The following NACC2 variants were observed in gnomAD, a reference collection of about 807,000 sequenced individuals.
NACC2 encodes the protein nucleus accumbens-associated protein 2.
Under a neutral mutation model 25.1 loss-of-function variants are expected in NACC2, and 8 were observed. The observed-to-expected ratio is 0.32, with a 90% CI of 0.19 to 0.57. NACC2 has a LOEUF of 0.57. Ranked by LOEUF, NACC2 falls within the 20% of genes least tolerant of loss-of-function variation. The pLI, the probability that NACC2 is intolerant of heterozygous loss-of-function variation, is 0.89. For synonymous variants in NACC2, 435 were observed against 294.7 expected (o/e 1.48, Z -4.88); for missense variants, 644 against 650.2 (o/e 0.99, Z 0.10).
chr9:136,008,041 C>T lies in NACC2; in HGVS notation c.*3475G>A, dbSNP rs1190468014. 6.6e-6 allele frequency: 1 copy of T among 152,278 alleles called. No individual in the cohort carries two copies. Among genetic ancestry groups the T allele is most frequent in the Non-Finnish European group, 1.5e-5 (1 of 68,086 alleles). The allele number at this position is 152,278 out of a possible 1,614,324, so 9.4% of individuals were successfully genotyped here. ...GCTCCTATGTTCTAGGAGCCCCGAC[C>T]CGCAGTCACCAACGCCGGCACCCCC... On this transcript the variant is annotated 3_prime_UTR_variant, in exon 6 of 6. Transcript: ENST00000277554.
chr9:136,023,955 C>A (rs958838066), intron 2 of NACC2, among the ~76,000 whole-genome samples: 1 of 151,570 alleles, frequency 6.6e-6, no homozygotes, highest in Non-Finnish European at 1.5e-5. Flanking sequence ...AAATGCACAA[C>A]CCCCCCCACA....
Position 136,086,102 on chromosome 9 carries a change from C to A in NACC2, c.-60+9087G>T, listed in dbSNP as rs1366780688. The stretch of plus-strand genomic sequence containing the variant: ...GCAGGAGCCGCCTCCAGGCCCTTCA[C>A]CTCGGGCTGGAGAAAACCAAGTCAC... On this transcript the variant is annotated intron_variant, in intron 1 of 5. Transcript: ENST00000277554. This position sits in a 1 kb window ranked among gnomAD's most constrained non-coding sequence, Gnocchi z 5.6. 6.6e-6 allele frequency among the ~76,000 whole-genome samples: 1 copy of A among 152,236 alleles called. No individual in the cohort carries two copies. The highest frequency in any genetic ancestry group is 2.4e-5 in the African/African-American group (1 of 41,466).
chr9:136,076,448 A>G (rs530969763), intron 1 of NACC2, among the ~76,000 whole-genome samples: 2 of 152,322 alleles, frequency 1.3e-5, no homozygotes, highest in African/African-American at 4.8e-5. Flanking sequence ...AGGCACACAC[A>G]GACAACGCCA....
chr9:136,040,664 T>C (rs1364791191), intron 2 of NACC2, among the ~76,000 whole-genome samples: 1 of 152,182 alleles, frequency 6.6e-6, no homozygotes, highest in Non-Finnish European at 1.5e-5. Context: ...GGAATTTGAC[T>C]TCACAAGAAA....
rs1315157487 is a variant in NACC2, at chr9:136,018,389, T to C, written c.887-1960A>G. On this transcript the variant is annotated intron_variant, in intron 2 of 5. Coordinates refer to ENST00000277554, the MANE Select transcript of NACC2 (RefSeq NM_144653.5). This position sits in a 1 kb window ranked among gnomAD's most constrained non-coding sequence, Gnocchi z 4.4. Reference sequence around the variant, plus strand: ...GGCAGGCCACCCAGCCCTGGGGGGCTGAAACCTTGGTTTCTGAGGACCCCA... The same window carrying C: ...GGCAGGCCACCCAGCCCTGGGGGGCCGAAACCTTGGTTTCTGAGGACCCCA... Among the ~76,000 whole-genome samples, 1 of 152,052 alleles carries C rather than the reference T, an allele frequency of 6.6e-6. No individual in the cohort carries two copies. The highest frequency in any genetic ancestry group is 1.5e-5 in the Non-Finnish European group (1 of 67,974).
chr9:136,043,598 T>C (rs1450658164), intron 2 of NACC2, among the ~76,000 whole-genome samples: 3 of 152,220 alleles, frequency 2.0e-5, no homozygotes, highest in Non-Finnish European at 2.9e-5. Context: ...ATACAGGATC[T>C]ACCGCTGCAC....
At position 136,024,066 on chromosome 9, in the gene NACC2, G is replaced by A. The variant is rs76446261; in HGVS notation, c.887-7637C>T. ...GTGTGTGGGGACAGCGTGTGTGTGT[G>A]AGGCCAGAGTGTGAGTGAGGGCCAG... On this transcript the variant is annotated intron_variant, in intron 2 of 5. Transcript: ENST00000277554. 4.6e-5 allele frequency among the ~76,000 whole-genome samples: 7 copies of A among 152,148 alleles called. No individual in the cohort carries two copies. The East Asian group carries it at 1.3e-3, about 29-fold the overall frequency.
rs113867040 is a variant in NACC2, at chr9:136,074,232, C to T, written c.-60+20957G>A. Among the ~76,000 whole-genome samples the T allele has an allele frequency of 7.3e-4, 109 of 149,334 alleles. No individual in the cohort carries two copies. The Middle Eastern group carries it at 0.014, about 20-fold the overall frequency. On this transcript the variant is annotated intron_variant, in intron 1 of 5. Coordinates refer to ENST00000277554, the MANE Select transcript of NACC2 (RefSeq NM_144653.5). ...TTGGGAGGCCGAGGAGGGCAGATCACGAGGTCAGGAGATCCAGACCATCCT... is the reference window on the plus strand; with the variant it reads ...TTGGGAGGCCGAGGAGGGCAGATCATGAGGTCAGGAGATCCAGACCATCCT...
Position 136,011,598 on chromosome 9 carries a change from T to C in NACC2, c.1682A>G (p.Gln561Arg). 7.0e-7 allele frequency: 1 copy of C among 1,424,666 alleles called. No homozygotes were observed. The allele number at this position is 1,424,666 out of a possible 1,614,324, so 88.3% of individuals were successfully genotyped here. A position where few individuals can be genotyped will look rare whatever the true frequency, so the allele number is the denominator to read the frequency against. The change falls in exon 6 of 6, where the codon CAG becomes CGG. Residue 561 changes from glutamine to arginine, a missense_variant. By Grantham distance (43) the Gln-to-Arg change is conservative (BLOSUM62 1). Transcript: ENST00000277554. ...DGQSPPQPFE[Q>R]GGGGPSRPQT... Reference sequence around the variant, plus strand: ...GGGCCTGCTGGGGCCGCCCCCGCCCTGCTCAAAGGGCTGTGGGGGGCTCTG... The same window carrying C: ...GGGCCTGCTGGGGCCGCCCCCGCCCCGCTCAAAGGGCTGTGGGGGGCTCTG...
chr9:136,094,273 T>C (rs1008132653), intron 1 of NACC2, among the ~76,000 whole-genome samples: 1 of 152,092 alleles, frequency 6.6e-6, no homozygotes, highest in Non-Finnish European at 1.5e-5. Flanking sequence ...TGGAACGGCC[T>C]GGGAGGCCAA....
intron 3 of NACC2, among the ~76,000 whole-genome samples, chr9:136,014,567 G>A (rs1840169898): frequency 6.6e-6 from 1 of 152,174 alleles, no homozygotes; most frequent in Non-Finnish European, 1.5e-5. Context: ...GGGATTACAG[G>A]AGGAGGGGCA....
intron 2 of NACC2, among the ~76,000 whole-genome samples, chr9:136,021,129 A>G (rs906721104): frequency 6.6e-6 from 1 of 152,248 alleles, no homozygotes; most frequent in Non-Finnish European, 1.5e-5. Flanking sequence ...TGCAAATCAC[A>G]TATCTGACAA....
At chr9:136,048,026 C>T (rs1840755399) in intron 2 of NACC2, among the ~76,000 whole-genome samples, 1 of 152,236 alleles carries the variant, frequency 6.6e-6, no homozygotes, top group African/African-American at 2.4e-5. Context: ...GTTTCCATCT[C>T]CATGGTGCAG....
intron 2 of NACC2, among the ~76,000 whole-genome samples, chr9:136,031,890 T>C (rs531803709): frequency 6.6e-6 from 1 of 152,338 alleles, no homozygotes; most frequent in Non-Finnish European, 1.5e-5. Context: ...CTCCTCTAAC[T>C]GTGAGGTTTT....
rs963042944 is a variant in NACC2, at chr9:136,037,215, T to C, written c.886+12421A>G. Among the ~76,000 whole-genome samples, 41 of 152,306 alleles carry C rather than the reference T, an allele frequency of 2.7e-4. No individual in the cohort carries two copies. In the East Asian group the frequency reaches 6.7e-3, roughly 25 times the overall value. Reference sequence around the variant, plus strand: ...GCAAGGTTTACCTCACTTAGGCAGATATTTTTATATAAAGTTTTTTCTTTT... The same window carrying C: ...GCAAGGTTTACCTCACTTAGGCAGACATTTTTATATAAAGTTTTTTCTTTT... On this transcript the variant is annotated intron_variant, in intron 2 of 5. Coordinates refer to ENST00000277554, the MANE Select transcript of NACC2 (RefSeq NM_144653.5).
At chr9:136,038,010 A>G (rs1211847456) in intron 2 of NACC2, among the ~76,000 whole-genome samples, 1 of 152,224 alleles carries the variant, frequency 6.6e-6, no homozygotes, top group Non-Finnish European at 1.5e-5. Context: ...CTACTTACTC[A>G]GCAACAAAAA....
chr9:136,059,724 T>G (rs1356174335), intron 1 of NACC2, among the ~76,000 whole-genome samples: 1 of 152,204 alleles, frequency 6.6e-6, no homozygotes, highest in African/African-American at 2.4e-5. Flanking sequence ...CGGGACAGCC[T>G]GCCTTGGGCA....
At chr9:136,091,838 A>AT (rs1429154780) in intron 1 of NACC2, among the ~76,000 whole-genome samples, 1 of 151,888 alleles carries the variant, frequency 6.6e-6, no homozygotes, top group Non-Finnish European at 1.5e-5. Flanking sequence ...TGCTTAAAAA[A>AT]AAAACCAACA....
At chr9:136,059,143 A>G (rs1423812005) in intron 1 of NACC2, among the ~76,000 whole-genome samples, 1 of 152,204 alleles carries the variant, frequency 6.6e-6, no homozygotes, top group Non-Finnish European at 1.5e-5. Flanking sequence ...GGGTCCCTGG[A>G]GATGAAGCTT....
Sources: gnomAD v4.1 joint callset for allele counts (sites outside exome capture counted in the v4.1 genomes callset) on GRCh38, gnomAD v4.1.1 for gene constraint, Gnocchi (gnomAD v3.1) non-coding constraint, MANE v1.5 for transcripts, NCBI Gene and HGNC (gene_info 2026-07-23, HGNC 2026-07-21) for gene names.